FCAR: variants seen among roughly 807,000 people sequenced by gnomAD.
FCAR encodes the protein immunoglobulin alpha Fc receptor.
In FCAR, 21 loss-of-function variants were observed where a neutral mutation model predicts 27.1. The ratio of observed to expected loss-of-function variants is 0.77; its 90% confidence interval spans 0.55 to 1.11. FCAR has a LOEUF of 1.11. Ranked by LOEUF, FCAR falls within the 50% of genes most tolerant of loss-of-function variation. The pLI is 0.00. For missense variants in FCAR, 404 were observed against 358.4 expected (o/e 1.13, Z -1.03); for synonymous variants, 134 against 135.8 (o/e 0.99, Z 0.09).
Position 54,890,023 on chromosome 19 carries a change from C to A in FCAR, c.*160C>A. 1.6e-6 allele frequency: 1 copy of A among 607,708 alleles called. No homozygotes were observed. 37.6% of individuals were successfully genotyped at this position (607,708 alleles called of 1,614,324 possible). On this transcript the variant is annotated 3_prime_UTR_variant, in exon 5 of 5. Coordinates refer to ENST00000355524, the MANE Select transcript of FCAR (RefSeq NM_002000.4). ...TCACCCAGGCTGGAGTGCAGTGGAG[C>A]AATCTCGGCTCATTGAACCTCTTGG...
intron 2 of FCAR, among the ~76,000 whole-genome samples, chr19:54,881,190 A>G (rs7259090): frequency 0.84 from 127,227 of 152,142 alleles, 53,351 homozygotes; most frequent in East Asian, 0.89. Context: ...GCCAAGAGTG[A>G]GGCGACTGCA....
chr19:54,886,694 G>A (rs1392239245), intron 3 of FCAR, among the ~76,000 whole-genome samples: 4 of 152,126 alleles, frequency 2.6e-5, no homozygotes, highest in Non-Finnish European at 5.9e-5. Context: ...GTGCCCGGCA[G>A]GTGTCATGTA....
At chr19:54,878,325 A>G (rs1345282896) in intron 2 of FCAR, among the ~76,000 whole-genome samples, 1 of 152,128 alleles carries the variant, frequency 6.6e-6, no homozygotes, top group Non-Finnish European at 1.5e-5. Context: ...AGTTCTGTAG[A>G]TGTCTGTCAG....
At chr19:54,875,679 C>G (rs1305330215) in intron 2 of FCAR, among the ~76,000 whole-genome samples, 1 of 152,200 alleles carries the variant, frequency 6.6e-6, no homozygotes, top group Admixed American at 6.5e-5. Context: ...CTTCCTTATG[C>G]TGATTCTATT....
chr19:54,886,524 G>T (rs1467437639), intron 3 of FCAR, among the ~76,000 whole-genome samples: 3 of 151,820 alleles, frequency 2.0e-5, no homozygotes, highest in African/African-American at 7.3e-5. Context: ...AGCCAGGATG[G>T]TCTCAATCTT....
intron 2 of FCAR, among the ~76,000 whole-genome samples, chr19:54,877,916 A>ATTTTTTTTTTTTTTTTT (rs757104692): frequency 7.0e-6 from 1 of 143,464 alleles, no homozygotes; most frequent in African/African-American, 2.6e-5. Context: ...TTTGCTAAGG[A>ATTTTTTTTTTTTTTTTT]TTGTTTTTTT....
chr19:54,888,514 A>C lies in FCAR; in HGVS notation c.649+220A>C, dbSNP rs1190381495. 7 of 1,398,062 alleles carry C rather than the reference A, an allele frequency of 5.0e-6. No homozygotes were observed. In the Admixed American group the frequency reaches 8.8e-5, roughly 18 times the overall value. The allele number at this position is 1,398,062 out of a possible 1,614,324, so 86.6% of individuals were successfully genotyped here. ...TCATTGAAAACTTAGTCTGTGGAGA[A>C]CAGAAGGGCTAACTCAGTTTGTTTC... On this transcript the variant is annotated intron_variant, in intron 4 of 4. Transcript: ENST00000355524.
chr19:54,886,800 G>A (rs587737743), intron 3 of FCAR, among the ~76,000 whole-genome samples: 56 of 152,314 alleles, frequency 3.7e-4, no homozygotes, highest in African/African-American at 1.3e-3. Context: ...ATTTTCAAGG[G>A]TACTCCCACT....
chr19:54,881,875 C>T (rs974383204), intron 2 of FCAR, among the ~76,000 whole-genome samples: 4 of 139,864 alleles, frequency 2.9e-5, no homozygotes, highest in African/African-American at 5.3e-5. Context: ...AGCGAGACTC[C>T]GTCTCAAATA....
intron 3 of FCAR, among the ~76,000 whole-genome samples, chr19:54,886,050 C>A (rs2066703208): frequency 6.6e-6 from 1 of 152,090 alleles, no homozygotes; most frequent in South Asian, 2.1e-4. Flanking sequence ...AGTTCGAGAC[C>A]AGCCTGGCCA....
At position 54,890,411 on chromosome 19, in the gene FCAR, ATTTAT is replaced by A. The variant is rs1364607918; in HGVS notation, c.*556_*560del. ...TCCTTCATTGTTCTTCTCTTTTTTT[ATTTAT>A]TTTATTTATTTTTATTTTTATTTTT... On this transcript the variant is annotated 3_prime_UTR_variant, in exon 5 of 5. Transcript: ENST00000355524. The A allele has an allele frequency of 6.7e-6, 1 of 149,836 alleles. No homozygotes were observed. The highest frequency in any genetic ancestry group is 1.5e-5 in the Non-Finnish European group (1 of 67,520). 9.3% of individuals were successfully genotyped at this position (149,836 alleles called of 1,614,324 possible).
At chr19:54,881,299 C>T (rs7259347) in intron 2 of FCAR, among the ~76,000 whole-genome samples, 118,946 of 151,926 alleles carry the variant, frequency 0.78, 47,269 homozygotes, top group East Asian at 1. Context: ...GGCAGTTTGC[C>T]GGAGGTGTGG....
chr19:54,883,018 G>A (rs587624594), intron 2 of FCAR, among the ~76,000 whole-genome samples: 3 of 151,308 alleles, frequency 2.0e-5, no homozygotes, highest in African/African-American at 7.3e-5. Flanking sequence ...TTTTTGTTTC[G>A]TTTTTTGACA....
rs1350854758 is a variant in FCAR, at chr19:54,885,449, A to T, written c.285A>T (p.Ala95=). 1 of 1,613,862 alleles carries T rather than the reference A, an allele frequency of 6.2e-7. No homozygotes were observed. The highest frequency in any genetic ancestry group is 8.5e-7 in the Non-Finnish European group (1 of 1,179,856). ...FVIDHMDANK[A]GRYQCQYRIG... Reference sequence around the variant, plus strand: ...TTGACCACATGGACGCAAACAAGGCAGGGCGCTATCAGTGCCAATATAGGA... The same window carrying T: ...TTGACCACATGGACGCAAACAAGGCTGGGCGCTATCAGTGCCAATATAGGA... Residue 95 remains alanine, a synonymous_variant, in exon 3 of 5, where the codon GCA becomes GCT. Transcript: ENST00000355524.
intron 2 of FCAR, among the ~76,000 whole-genome samples, chr19:54,879,322 G>A (rs2145855470): frequency 6.6e-6 from 1 of 152,286 alleles, no homozygotes; most frequent in Non-Finnish European, 1.5e-5. Flanking sequence ...ACTTGTTTGT[G>A]TGGTTGTTTT....
At position 54,890,703 on chromosome 19, in the gene FCAR, C is replaced by T. The variant is rs2067032726; in HGVS notation, c.*840C>T. 1 of 152,220 alleles carries T rather than the reference C, an allele frequency of 6.6e-6. No homozygotes were observed. The allele number at this position is 152,220 out of a possible 1,614,324, so 9.4% of individuals were successfully genotyped here. A position where few individuals can be genotyped will look rare whatever the true frequency, so the allele number is the denominator to read the frequency against. ...TCGGCCTCCCAAAGTGCTGGGATTA[C>T]AGATGTGAGCCACTGCGCCCAGCCT... is the stretch of plus-strand genomic sequence containing the variant. On this transcript the variant is annotated 3_prime_UTR_variant, in exon 5 of 5. Transcript: ENST00000355524.
intron 2 of FCAR, among the ~76,000 whole-genome samples, chr19:54,878,823 G>T (rs2066249356): frequency 7.4e-6 from 1 of 135,770 alleles, no homozygotes; most frequent in Non-Finnish European, 1.5e-5. Context: ...GCCTATGGAT[G>T]TCATTGCATA....
intron 3 of FCAR, 37 bp downstream of exon 3, chr19:54,885,562 T>C (rs587597542): frequency 1.4e-6 from 2 of 1,477,228 alleles, no homozygotes; most frequent in African/African-American, 1.4e-5. Context: ...CCTGGTGTGA[T>C]TTTTTTCTTA....
chr19:54,888,259 C>T lies in FCAR; in HGVS notation c.614C>T (p.Ser205Phe). The T allele has an allele frequency of 1.2e-6, 2 of 1,614,114 alleles. No individual in the cohort carries two copies. The highest frequency in any genetic ancestry group is 1.1e-5 in the South Asian group (1 of 91,060). ...GWYNRSPYLW[S>F]FPSNALELVV... ...TACAACAGGAGCCCCTACCTGTGGT[C>T]CTTCCCCAGTAATGCCTTGGAGCTT... is the stretch of plus-strand genomic sequence containing the variant. The change falls in exon 4 of 5, where the codon TCC becomes TTC. Residue 205 changes from serine to phenylalanine, a missense_variant. Ser to Phe is a radical substitution (Grantham distance 155). Coordinates refer to ENST00000355524, the MANE Select transcript of FCAR (RefSeq NM_002000.4).
Sources: gnomAD v4.1 joint callset for allele counts (sites outside exome capture counted in the v4.1 genomes callset) on GRCh38, gnomAD v4.1.1 for gene constraint, MANE v1.5 for transcripts, NCBI Gene and HGNC (gene_info 2026-07-23, HGNC 2026-07-21) for gene names.